SOX5: variants seen among roughly 807,000 people sequenced by gnomAD.
SOX5 encodes transcription factor SOX-5.
SOX5 carries 9 observed loss-of-function variants against 92.0 expected under a neutral mutation model. The observed-to-expected ratio is 0.10, with a 90% CI of 0.06 to 0.17. The LOEUF is 0.17. Ranked by LOEUF, SOX5 falls within the 10% of genes least tolerant of loss-of-function variation. The pLI is 1.00. For missense variants in SOX5, 642 were observed against 944.5 expected, an observed-to-expected ratio of 0.68 and a Z score of 4.20; for synonymous variants, 344 against 336.3, an observed-to-expected ratio of 1.02 and a Z score of -0.25.
At chr12:23,833,736 T>C (rs928817204) in intron 3 of SOX5, among the ~76,000 whole-genome samples, 1 of 151,952 alleles carries the variant, frequency 6.6e-6, no homozygotes, top group African/African-American at 2.4e-5. Flanking sequence ...GAAATGATCT[T>C]ACAATTCAAT....
chr12:24,532,512 G>A (rs1010200279), intron 1 of SOX5, among the ~76,000 whole-genome samples: 2 of 152,196 alleles, frequency 1.3e-5, no homozygotes, highest in African/African-American at 4.8e-5. Context: ...ATTTCATCAG[G>A]ATGCATAATG....
At chr12:23,624,922 T>G (rs985563130) in intron 8 of SOX5, among the ~76,000 whole-genome samples, 4 of 152,230 alleles carry the variant, frequency 2.6e-5, no homozygotes, top group African/African-American at 9.6e-5. Context: ...AAGAAGGAGT[T>G]AGAAAGTGGG....
chr12:24,431,304 T>C (rs553824881), intron 1 of SOX5, among the ~76,000 whole-genome samples: 37 of 152,184 alleles, frequency 2.4e-4, no homozygotes, highest in Admixed American at 5.2e-4. Context: ...ACCATGATAA[T>C]TGAGAGGCAA....
intron 1 of SOX5, among the ~76,000 whole-genome samples, chr12:23,934,875 C>G (rs1203444300): frequency 1.3e-5 from 2 of 151,166 alleles, no homozygotes; most frequent in African/African-American, 4.8e-5. Flanking sequence ...GCAAAGATCA[C>G]AGAACTAATC....
At position 24,503,993 on chromosome 12, in the gene SOX5, T is replaced by G. The variant is rs117317332; in HGVS notation, c.-251+58336A>C. Among the ~76,000 whole-genome samples, 395 of 152,270 alleles carry G rather than the reference T, an allele frequency of 2.6e-3. 1 individual carries two copies. Among genetic ancestry groups the G allele is most frequent in the Non-Finnish European group, 3.9e-3 (264 of 68,016 alleles). On this transcript the variant is annotated intron_variant, in intron 1 of 4. Coordinates refer to the SOX5 transcript ENST00000446891. ...ATAATTAAAAAAAAAACAACACATTTTGAGTTTCTCAGAGTAGAAATTCGA... is the reference window on the plus strand; with the variant it reads ...ATAATTAAAAAAAAAACAACACATTGTGAGTTTCTCAGAGTAGAAATTCGA...
chr12:24,130,696 T>C (rs367862996), intron 4 of SOX5, among the ~76,000 whole-genome samples: 6 of 152,156 alleles, frequency 3.9e-5, no homozygotes, highest in Admixed American at 3.3e-4. Flanking sequence ...GCTGCAGTTA[T>C]CTTAGGAATT....
intron 2 of SOX5, among the ~76,000 whole-genome samples, chr12:23,858,266 G>T (rs1439275512): frequency 6.6e-6 from 1 of 152,050 alleles, no homozygotes; most frequent in East Asian, 1.9e-4. Context: ...ACAACCTACA[G>T]AATGGGAGAA....
chr12:24,202,226 C>A (rs1451543194), intron 4 of SOX5, among the ~76,000 whole-genome samples: 1 of 152,202 alleles, frequency 6.6e-6, no homozygotes, highest in East Asian at 1.9e-4. Flanking sequence ...TATTACAATT[C>A]TCCTTTCTTC....
chr12:23,951,376 C>T (rs952449836), upstream of SOX5, among the ~76,000 whole-genome samples: 25 of 150,656 alleles, frequency 1.7e-4, no homozygotes, highest in African/African-American at 5.9e-4. Context: ...TTTTATTTTG[C>T]AGCTGGACAA....
chr12:24,164,434 A>C (rs1468024323), intron 4 of SOX5, among the ~76,000 whole-genome samples: 1 of 152,066 alleles, frequency 6.6e-6, no homozygotes, highest in Non-Finnish European at 1.5e-5. Context: ...TTTTGAAACA[A>C]AAATAATCAT....
At chr12:23,707,381 C>A (rs889577254) in intron 6 of SOX5, among the ~76,000 whole-genome samples, 1 of 152,082 alleles carries the variant, frequency 6.6e-6, no homozygotes, top group Admixed American at 6.6e-5. Context: ...ATCTGTCGAG[C>A]CCCTTAGTCT....
intron 4 of SOX5, among the ~76,000 whole-genome samples, chr12:24,193,885 A>T (rs1956759925): frequency 1.3e-5 from 2 of 152,314 alleles, no homozygotes; most frequent in East Asian, 3.9e-4. Flanking sequence ...ACTAACAGTC[A>T]CTTACAATTT....
rs191599472 is a variant in SOX5 at position 24,162,116 on chromosome 12, T to A, written c.-2+51227A>T. 2.0e-3 allele frequency among the ~76,000 whole-genome samples: 301 copies of A among 152,210 alleles called. 3 individuals are homozygous for A. The highest frequency in any genetic ancestry group is 6.8e-3 in the Middle Eastern group (2 of 294). ...AAAATCTTGAGCCTGGATTGGTCAC[T>A]GAATTTTTTTTTGACAGTAATTAAG... On this transcript the variant is annotated intron_variant, in intron 4 of 4. Transcript: ENST00000446891.
chr12:23,864,302 C>A (rs992591933), intron 2 of SOX5, among the ~76,000 whole-genome samples: 44 of 152,044 alleles, frequency 2.9e-4, no homozygotes, highest in African/African-American at 1.0e-3. Flanking sequence ...ATCTGAGACA[C>A]AATATTGAAA....
chr12:24,210,057 T>C (rs904295206), intron 4 of SOX5, among the ~76,000 whole-genome samples: 60 of 147,628 alleles, frequency 4.1e-4, no homozygotes, highest in Non-Finnish European at 7.5e-4. Context: ...GAAATAATCC[T>C]TCCTTCCAAG....
At chr12:24,251,225 T>TG (rs1364865218) in intron 3 of SOX5, among the ~76,000 whole-genome samples, 1 of 152,224 alleles carries the variant, frequency 6.6e-6, no homozygotes, top group African/African-American at 2.4e-5. Flanking sequence ...GAATTTAACT[T>TG]GGTTCATTCT....
chr12:23,987,530 C>A (rs1376074738), intron 4 of SOX5, among the ~76,000 whole-genome samples: 1 of 152,160 alleles, frequency 6.6e-6, no homozygotes, highest in African/African-American at 2.4e-5. Flanking sequence ...TGGTGGTTCA[C>A]CCCTACAATC....
At chr12:24,065,645 C>CAAAAAAAAAAAAAAAAAAAAGA (rs1940571145) in intron 4 of SOX5, among the ~76,000 whole-genome samples, 1 of 81,672 alleles carries the variant, frequency 1.2e-5, no homozygotes, top group East Asian at 3.7e-4. Context: ...GACTCCATCT[C>CAAAAAAAAAAAAAAAAAAAAGA]AAAAAAAAAA....
intron 1 of SOX5, among the ~76,000 whole-genome samples, chr12:24,399,904 C>T (rs1468819659): frequency 6.6e-6 from 1 of 152,132 alleles, no homozygotes; most frequent in Non-Finnish European, 1.5e-5. Flanking sequence ...CAACATAATA[C>T]CAAATCAAAA....
Sources: allele counts gnomAD v4.1 joint callset (sites outside exome capture counted in the v4.1 genomes callset), GRCh38; gene constraint gnomAD v4.1.1; transcripts MANE v1.5; gene names NCBI Gene and HGNC (gene_info 2026-07-23, HGNC 2026-07-21).